The following AWAT1 variants were observed in gnomAD, a reference collection of about 807,000 sequenced individuals.
AWAT1 encodes the protein acyl-CoA wax alcohol acyltransferase 1.
Under a neutral mutation model 21.6 loss-of-function variants are expected in AWAT1, and 26 were observed. The ratio of observed to expected loss-of-function variants is 1.20; its 90% CI spans 0.88 to 1.67. The LOEUF (loss-of-function observed/expected upper bound fraction) is 1.67. Ranked by LOEUF, AWAT1 falls within the 40% of genes most tolerant of loss-of-function variation. The pLI is 0.00. For missense variants in AWAT1, 264 were observed against 249.4 expected, an observed-to-expected ratio of 1.06 and a Z score of -0.39; for synonymous variants, 102 against 99.3, an observed-to-expected ratio of 1.03 and a Z score of -0.16.
intron 1 of AWAT1, 133 bp from the exon 2 acceptor site, chrX:70,235,583 A>G (rs955271302): frequency 3.9e-6 from 2 of 518,311 alleles, no homozygotes; most frequent in African/African-American, 4.6e-5. Context: ...GTAGACATGG[A>G]TGATGAACAG....
At chrX:70,236,210 A>C (rs2085514127) in intron 3 of AWAT1, 71 bp downstream of exon 3, 2 of 861,910 alleles carry the variant, frequency 2.3e-6, no homozygotes, top group East Asian at 6.2e-5. Flanking sequence ...ACATGACTAG[A>C]GTTGTCCATA....
In AWAT1 at chrX:70,238,271, C is replaced by A; in HGVS notation, c.520C>A (p.Leu174Ile). Residue 174 changes from leucine to isoleucine, a missense_variant, in exon 5 of 7, where the codon CTC (leucine) becomes ATC (isoleucine). Coordinates refer to ENST00000374521, the MANE Select transcript of AWAT1 (RefSeq NM_001013579.3). Reference protein sequence around the residue: ...NYLLSHGTGNLVGIVVGGVGE... With the variant: ...NYLLSHGTGNIVGIVVGGVGE... ...TCTGCTGAGCCATGGCACTGGCAACCTCGTGGGCATTGTAGTGGGAGGTGT... is the reference window on the plus strand; with the variant it reads ...TCTGCTGAGCCATGGCACTGGCAACATCGTGGGCATTGTAGTGGGAGGTGT... 8.3e-7 allele frequency: 1 copy of A among 1,211,161 alleles called. No individual in the cohort carries two copies. Among genetic ancestry groups the A allele is most frequent in the Non-Finnish European group, 1.1e-6 (1 of 895,006 alleles).
In AWAT1 at chrX:70,239,798, T is replaced by G; in HGVS notation, c.696T>G (p.His232Gln). ...ETEVYDQVLF[H>Q]KDSRMYKFQS... The stretch of plus-strand genomic sequence containing the variant: ...AGGTGTATGATCAGGTGCTGTTCCA[T>G]AAGGATAGCAGGATGTACAAGTTCC... Residue 232 changes from histidine (H) to glutamine (Q), a missense_variant, in exon 6 of 7, where the codon CAT becomes CAG. Transcript: ENST00000374521. 2.5e-6 allele frequency: 3 copies of G among 1,210,521 alleles called. No homozygotes were observed. Among genetic ancestry groups the G allele is most frequent in the Non-Finnish European group, 3.4e-6 (3 of 894,482 alleles).
chrX:70,238,327 C>A lies in AWAT1; in HGVS notation c.576C>A (p.Thr192=), dbSNP rs1471667707. ...AGGCCCTGCAAAGTGTGCCCAACACCACCACCCTCATCCTCCAGAAGCGCA... is the reference window on the plus strand; with the variant it reads ...AGGCCCTGCAAAGTGTGCCCAACACAACCACCCTCATCCTCCAGAAGCGCA... ...VGEALQSVPN[T]TTLILQKRKG... is the part of the protein sequence containing the mutation. Residue 192 remains threonine (T), a synonymous_variant, in exon 5 of 7, where the codon ACC becomes ACA. Transcript: ENST00000374521. 1.7e-6 allele frequency: 2 copies of A among 1,207,705 alleles called. No individual in the cohort carries two copies.
intron 2 of AWAT1, 25 bp from the exon 3 acceptor site, chrX:70,236,044 T>A: frequency 1.7e-6 from 2 of 1,177,700 alleles, no homozygotes; most frequent in Non-Finnish European, 2.3e-6. Flanking sequence ...ACTGACATCA[T>A]CCCCTACTTC....
chrX:70,235,865 C>T (rs372222573), intron 2 of AWAT1, 42 bp downstream of exon 2: 76 of 1,110,325 alleles, frequency 6.8e-5, no homozygotes, highest in Non-Finnish European at 9.1e-5. Context: ...TCCATCATAA[C>T]CTGCAGCCAG....
rs746609380 is a variant in AWAT1 at position 70,237,091 on chromosome X, G to A, written c.303G>A (p.Gly101=). 7.5e-6 allele frequency: 9 copies of A among 1,206,015 alleles called. No individual in the cohort carries two copies. In the East Asian group the frequency reaches 2.4e-4, roughly 32 times the overall value. ...DLSPEHNYLM[G]VHPHGLLTFG... is the part of the protein sequence containing the mutation. Reference sequence around the variant, plus strand: ...CACCTGAGCACAACTACCTCATGGGGGTTCACCCCCATGGCCTCCTGACCT... The same window carrying A: ...CACCTGAGCACAACTACCTCATGGGAGTTCACCCCCATGGCCTCCTGACCT... The change falls in exon 4 of 7, where the codon GGG becomes GGA. Residue 101 remains glycine, a synonymous_variant. Transcript: ENST00000374521.
In AWAT1 at chrX:70,240,158, C is replaced by G. The variant is rs1336758526; in HGVS notation, c.855C>G (p.Pro285=). 1.3e-5 allele frequency: 16 copies of G among 1,209,352 alleles called. No individual in the cohort carries two copies. The highest frequency in any genetic ancestry group is 1.6e-5 in the Non-Finnish European group (14 of 894,993). ...VTVVGEPLPL[P]QIEKPSQEMV... is the part of the protein sequence containing the mutation. ...CAGTTGGGGAGCCTCTGCCACTGCC[C>G]CAAATTGAAAAGCCAAGCCAGGAGA... The change falls in exon 7 of 7, where the codon CCC becomes CCG. Residue 285 remains proline (P), a synonymous_variant. Transcript: ENST00000374521.
Position 70,237,222 on chromosome X carries a change from T to C in AWAT1, c.434T>C (p.Phe145Ser). Reference sequence around the variant, plus strand: ...CTGTCCTGGTTCTTCAAGATCCCCTTTGTTAGGGAGTACCTCATGGCCAAA... The same window carrying C: ...CTGTCCTGGTTCTTCAAGATCCCCTCTGTTAGGGAGTACCTCATGGCCAAA... ...ATLSWFFKIPFVREYLMAKGV... is the reference protein window; with the variant it reads ...ATLSWFFKIPSVREYLMAKGV... Residue 145 changes from phenylalanine to serine, a missense_variant, in exon 4 of 7, where the codon TTT (phenylalanine) becomes TCT (serine). Phe to Ser is a radical substitution (Grantham distance 155). Coordinates refer to ENST00000374521, the MANE Select transcript of AWAT1 (RefSeq NM_001013579.3). The C allele has an allele frequency of 8.3e-7, 1 of 1,208,066 alleles. No individual in the cohort carries two copies. The highest frequency in any genetic ancestry group is 1.1e-6 in the Non-Finnish European group (1 of 893,639).
Position 70,237,109 on chromosome X carries a change from C to T in AWAT1, c.321C>T (p.Leu107=), listed in dbSNP as rs1423953513. ...NYLMGVHPHG[L]LTFGAFCNFC... ...TCATGGGGGTTCACCCCCATGGCCTCCTGACCTTTGGCGCCTTCTGCAACT... is the reference window on the plus strand; with the variant it reads ...TCATGGGGGTTCACCCCCATGGCCTTCTGACCTTTGGCGCCTTCTGCAACT... Residue 107 remains leucine, a synonymous_variant, in exon 4 of 7, where the codon CTC becomes CTT. Coordinates refer to ENST00000374521, the MANE Select transcript of AWAT1 (RefSeq NM_001013579.3). 1.7e-6 allele frequency: 2 copies of T among 1,205,924 alleles called. No individual in the cohort carries two copies. The highest frequency in any genetic ancestry group is 3.5e-5 in the African/African-American group (2 of 56,963).
chrX:70,239,806 G>C lies in AWAT1; in HGVS notation c.704G>C (p.Ser235Thr), dbSNP rs1356825743. 28 of 1,208,696 alleles carry C rather than the reference G, an allele frequency of 2.3e-5. No individual in the cohort carries two copies. The highest frequency in any genetic ancestry group is 3.5e-5 in the African/African-American group (2 of 57,023). The change falls in exon 6 of 7, where the codon AGC becomes ACC. Residue 235 changes from serine to threonine, a missense_variant. By Grantham distance (58) the Ser-to-Thr change is moderately conservative (BLOSUM62 1). Transcript: ENST00000374521. ...GATCAGGTGCTGTTCCATAAGGATAGCAGGATGTACAAGTTCCAGAGCTGC... is the reference window on the plus strand; with the variant it reads ...GATCAGGTGCTGTTCCATAAGGATACCAGGATGTACAAGTTCCAGAGCTGC... ...VYDQVLFHKD[S>T]RMYKFQSCFR...
At chrX:70,234,862 A>G in intron 1 of AWAT1, 91 bp downstream of exon 1, 1 of 801,437 alleles carries the variant, frequency 1.2e-6, no homozygotes, top group Non-Finnish European at 1.9e-6. Context: ...GTGAAGTCTC[A>G]TTTTGAGCCT....
At chrX:70,237,282 C>T in intron 4 of AWAT1, 34 bp downstream of exon 4, 2 of 1,148,202 alleles carry the variant, frequency 1.7e-6, no homozygotes, top group Non-Finnish European at 2.4e-6. Context: ...AGCTTCTGGT[C>T]CATGTTTCTG....
intron 5 of AWAT1, 35 bp from the exon 6 acceptor site, chrX:70,239,700 T>C (rs1602708438): frequency 4.7e-5 from 54 of 1,155,796 alleles, no homozygotes; most frequent in Non-Finnish European, 6.4e-5. Context: ...TCATCCTAGC[T>C]TGTGTTTAGA....
intron 2 of AWAT1, 26 bp from the exon 3 acceptor site, chrX:70,236,043 A>AT (rs1434095884): frequency 8.5e-7 from 1 of 1,177,609 alleles, no homozygotes; most frequent in Admixed American, 2.2e-5. Flanking sequence ...CACTGACATC[A>AT]TCCCCTACTT....
chrX:70,240,513 G>C lies in AWAT1; in HGVS notation c.*223G>C. On this transcript the variant is annotated 3_prime_UTR_variant, in exon 7 of 7. Coordinates refer to ENST00000374521, the MANE Select transcript of AWAT1 (RefSeq NM_001013579.3). ...AGGAGGGCATCCTAGTGCCCCTCATGCTGGGGCCTGATGCCTGGTCATCAT... is the reference window on the plus strand; with the variant it reads ...AGGAGGGCATCCTAGTGCCCCTCATCCTGGGGCCTGATGCCTGGTCATCAT... 5 of 390,411 alleles carry C rather than the reference G, an allele frequency of 1.3e-5. No homozygotes were observed. The South Asian group carries it at 3.3e-4, about 26-fold the overall frequency. 32.2% of individuals were successfully genotyped at this position (390,411 alleles called of 1,213,427 possible).
At chrX:70,237,881 G>A (rs2085521454) in intron 4 of AWAT1, among the ~76,000 whole-genome samples, 1 of 82,327 alleles carries the variant, frequency 1.2e-5, no homozygotes, top group African/African-American at 4.6e-5. Context: ...GCCTGCCACA[G>A]AGTATATCCT....
chrX:70,236,975 TATC>T, intron 3 of AWAT1, 66 bp from the exon 4 acceptor site: 1 of 991,449 alleles, frequency 1.0e-6, no homozygotes, highest in East Asian at 3.3e-5. Flanking sequence ...ATCCCTGAAG[TATC>T]ACCACCCTTG....
At chrX:70,235,302 TG>T (rs2085509719) in intron 1 of AWAT1, among the ~76,000 whole-genome samples, 1 of 110,205 alleles carries the variant, frequency 9.1e-6, no homozygotes, top group Non-Finnish European at 1.9e-5. Flanking sequence ...AGATGCTGGA[TG>T]GGCAGCGTGT....
Sources: allele counts gnomAD v4.1 joint callset (sites outside exome capture counted in the v4.1 genomes callset), GRCh38; gene constraint gnomAD v4.1.1; transcripts MANE v1.5; gene names NCBI Gene and HGNC (gene_info 2026-07-23, HGNC 2026-07-21).